The following DLC1 variants were observed in gnomAD, a reference collection of about 807,000 sequenced individuals.
The protein encoded by DLC1 is rho GTPase-activating protein 7.
In DLC1, 54 loss-of-function variants were observed where a neutral mutation model predicts 140.3. The observed-to-expected ratio is 0.38, with a 90% CI of 0.31 to 0.48. The LOEUF is 0.48. DLC1 is among the 20% of genes least tolerant of loss of function. The pLI is 0.96. For missense variants in DLC1, 2,536 were observed against 1,907.0 expected, an observed-to-expected ratio of 1.33 and a Z score of -6.14; for synonymous variants, 986 against 728.1, an observed-to-expected ratio of 1.35 and a Z score of -5.70.
At position 13,093,455 on chromosome 8, in the gene DLC1, T is replaced by C. The variant is rs554667188; in HGVS notation, c.3527-630A>G. ...GTAATTTCTTAAGTTTTAGAAAGCATGCTCGAGAGGCTATAAAAATGCATA... is the reference window on the plus strand; with the variant it reads ...GTAATTTCTTAAGTTTTAGAAAGCACGCTCGAGAGGCTATAAAAATGCATA... On this transcript the variant is annotated intron_variant, in intron 12 of 17. Coordinates refer to ENST00000276297, the MANE Select transcript of DLC1 (RefSeq NM_182643.3). Among the ~76,000 whole-genome samples the C allele has an allele frequency of 7.2e-5, 11 of 152,320 alleles. No individual in the cohort carries two copies. The South Asian group carries it at 2.3e-3, about 32-fold the overall frequency.
intron 2 of DLC1, among the ~76,000 whole-genome samples, chr8:13,412,792 T>G (rs561210425): frequency 1.3e-5 from 2 of 151,328 alleles, no homozygotes; most frequent in African/African-American, 4.9e-5. Context: ...ATTAGCCGGG[T>G]GTGGTGGTGG....
chr8:13,106,653 A>C (rs1222270888), intron 7 of DLC1, among the ~76,000 whole-genome samples: 1 of 152,230 alleles, frequency 6.6e-6, no homozygotes, highest in Non-Finnish European at 1.5e-5. Context: ...TTACCTTTTA[A>C]CAGACCAGAA....
At chr8:13,267,307 C>T (rs1830726152) in intron 5 of DLC1, among the ~76,000 whole-genome samples, 1 of 151,614 alleles carries the variant, frequency 6.6e-6, no homozygotes, top group Non-Finnish European at 1.5e-5. Flanking sequence ...TGTTCTTACT[C>T]ATCTAGTTTA....
chr8:13,372,528 C>T (rs1387874232), intron 4 of DLC1, among the ~76,000 whole-genome samples: 1 of 152,168 alleles, frequency 6.6e-6, no homozygotes, highest in Admixed American at 6.5e-5. Flanking sequence ...AGAAATCCTT[C>T]CTTTAAGTGT....
chr8:13,560,432 C>T (rs1005009541), intron 1 of DLC1, among the ~76,000 whole-genome samples: 3 of 150,526 alleles, frequency 2.0e-5, no homozygotes, highest in African/African-American at 7.3e-5. Context: ...AAGGCCCCCA[C>T]AGATGTTCAC....
intron 2 of DLC1, among the ~76,000 whole-genome samples, chr8:13,452,166 T>A (rs1453966509): frequency 6.6e-6 from 1 of 151,226 alleles, no homozygotes; most frequent in Non-Finnish European, 1.5e-5. Flanking sequence ...AAAATATTTG[T>A]TAATTTAATA....
chr8:13,512,799 T>G (rs1406148019), intron 1 of DLC1, among the ~76,000 whole-genome samples: 1 of 152,118 alleles, frequency 6.6e-6, no homozygotes, highest in African/African-American at 2.4e-5. Context: ...AAAATTAATA[T>G]AATTATTAGC....
At chr8:13,524,901 A>C (rs750245838) in intron 1 of DLC1, among the ~76,000 whole-genome samples, 26 of 152,198 alleles carry the variant, frequency 1.7e-4, no homozygotes, top group Non-Finnish European at 3.1e-4. Context: ...TGACAAATTC[A>C]TATGCCTGTG....
intron 5 of DLC1, among the ~76,000 whole-genome samples, chr8:13,141,966 G>C (rs1368690376): frequency 6.6e-6 from 1 of 152,104 alleles, no homozygotes; most frequent in Non-Finnish European, 1.5e-5. Context: ...AGGTATTTAG[G>C]GAGGCACCTA....
chr8:13,469,355 G>C (rs1440245327), intron 2 of DLC1, among the ~76,000 whole-genome samples: 6 of 152,220 alleles, frequency 3.9e-5, no homozygotes, highest in Non-Finnish European at 5.9e-5. Context: ...CCAAAAGTCT[G>C]TACCATGGGC....
At chr8:13,567,812 C>G (rs554147664) in intron 1 of DLC1, 1 of 1,551,826 alleles carries the variant, frequency 6.4e-7, no homozygotes, top group East Asian at 2.4e-5. Context: ...ATCAGATACT[C>G]TGGTTTTGAA....
Position 13,390,984 on chromosome 8 carries a change from C to CA in DLC1, c.1314+2568dup, listed in dbSNP as rs1430798740. ...TGGGCGACAGAGCGAGACTCCGTCT[C>CA]AAAAAAAAAAAGAAAAAAAAAAGAA... On this transcript the variant is annotated intron_variant, in intron 4 of 17. Transcript: ENST00000276297. Among the ~76,000 whole-genome samples the CA allele has an allele frequency of 1.9e-3, 135 of 70,974 alleles. 1 individual carries two copies. The highest frequency in any genetic ancestry group is 0.017 in the East Asian group (33 of 1,936). The allele number at this position is 70,974 out of a possible 152,430, so 46.6% of individuals were successfully genotyped here. A position where few individuals can be genotyped will look rare whatever the true frequency, so the allele number is the denominator to read the frequency against.
At chr8:13,149,520 T>C (rs1823660419) in intron 5 of DLC1, among the ~76,000 whole-genome samples, 1 of 152,232 alleles carries the variant, frequency 6.6e-6, no homozygotes, top group South Asian at 2.1e-4. Context: ...TTGCCCTCTC[T>C]GTGTCTATTC....
At chr8:13,419,368 T>C (rs902274009) in intron 2 of DLC1, among the ~76,000 whole-genome samples, 3 of 152,174 alleles carry the variant, frequency 2.0e-5, no homozygotes, top group Admixed American at 6.6e-5. Context: ...AGATAGCTCT[T>C]ATTATTTTGA....
At chr8:13,457,706 TA>T (rs1305981199) in intron 2 of DLC1, among the ~76,000 whole-genome samples, 1 of 110,330 alleles carries the variant, frequency 9.1e-6, no homozygotes, top group East Asian at 2.7e-4. Context: ...AAAAAAGAAA[TA>T]AAAACAGTAC....
chr8:13,367,278 A>G (rs1835530283), intron 4 of DLC1, among the ~76,000 whole-genome samples: 1 of 152,164 alleles, frequency 6.6e-6, no homozygotes, highest in Non-Finnish European at 1.5e-5. Flanking sequence ...CAGGACGTGA[A>G]ATGCATCTCA....
chr8:13,589,577 C>T (rs538391942), intron 1 of DLC1, among the ~76,000 whole-genome samples: 2 of 152,038 alleles, frequency 1.3e-5, no homozygotes, highest in Admixed American at 6.6e-5. Flanking sequence ...TTGCAATTAT[C>T]TTATTTAATG....
intron 1 of DLC1, among the ~76,000 whole-genome samples, chr8:13,529,281 T>A (rs1234395213): frequency 1.3e-5 from 2 of 152,182 alleles, no homozygotes; most frequent in Non-Finnish European, 2.9e-5. Flanking sequence ...ATTAGGGAGT[T>A]TAAAGATAAT....
intron 4 of DLC1, among the ~76,000 whole-genome samples, chr8:13,383,517 C>T (rs6994536): frequency 0.15 from 22,424 of 152,144 alleles, 1,810 homozygotes; most frequent in Non-Finnish European, 0.17. Context: ...TTGGAGCAGG[C>T]TAGTGCTTTT....
Sources: allele counts gnomAD v4.1 joint callset (sites outside exome capture counted in the v4.1 genomes callset), GRCh38; gene constraint gnomAD v4.1.1; transcripts MANE v1.5; gene names NCBI Gene and HGNC (gene_info 2026-07-23, HGNC 2026-07-21).